The following REPS2 variants were observed in gnomAD, a reference collection of about 807,000 sequenced individuals.
The protein encoded by REPS2 is ralBP1-associated Eps domain-containing protein 2.
REPS2 carries 23 observed loss-of-function variants against 53.6 expected under a neutral mutation model. That is an observed-to-expected ratio of 0.43 (90% CI 0.31 to 0.61). REPS2 has a LOEUF of 0.61. Among genes scored for constraint, REPS2 ranks in the 20% least tolerant of loss-of-function variants. The probability of loss-of-function intolerance (pLI) is 0.11; values close to 1 mark genes in which losing one functional copy is unlikely to be tolerated. For missense variants in REPS2, 446 were observed against 534.9 expected (o/e 0.83, Z 1.64); for synonymous variants, 238 against 218.6 (o/e 1.09, Z -0.78).
At chrX:17,106,304 A>G (rs766054302) in intron 14 of REPS2, among the ~76,000 whole-genome samples, 1 of 111,834 alleles carries the variant, frequency 8.9e-6, no homozygotes, top group South Asian at 3.8e-4. Context: ...AGGGAGAACT[A>G]CAAACCACTG....
At chrX:17,032,035 G>A (rs2061715018) in intron 5 of REPS2, among the ~76,000 whole-genome samples, 1 of 111,804 alleles carries the variant, frequency 8.9e-6, no homozygotes, top group Admixed American at 9.5e-5. Context: ...CAGATAGATG[G>A]TGGTGTCACC....
At chrX:17,006,453 A>C in intron 2 of REPS2, 109 bp downstream of exon 2, 2 of 747,494 alleles carry the variant, frequency 2.7e-6, no homozygotes, top group Non-Finnish European at 1.9e-6. Flanking sequence ...GCTTCCTCCA[A>C]CTCTTCTGCA....
intron 4 of REPS2, among the ~76,000 whole-genome samples, chrX:17,025,624 G>A (rs988346258): frequency 3.6e-5 from 4 of 112,165 alleles, no homozygotes; most frequent in African/African-American, 1.3e-4. Flanking sequence ...GACTGAGCAC[G>A]TAAATGAAAA....
chrX:17,022,370 T>G (rs953859824), intron 3 of REPS2, 99 bp downstream of exon 3: 66 of 805,788 alleles, frequency 8.2e-5, no homozygotes, highest in Middle Eastern at 3.1e-4. Flanking sequence ...AATCTCACCA[T>G]CTGGAACCCA....
At chrX:17,154,059 G>A (rs1366949570), downstream of REPS2, among the ~76,000 whole-genome samples, 4 of 111,716 alleles carry the variant, frequency 3.6e-5, no homozygotes, top group Non-Finnish European at 7.5e-5. Context: ...AACTGAATCA[G>A]GAACCCTGGT....
At chrX:16,991,594 AAG>A (rs766544494) in intron 1 of REPS2, among the ~76,000 whole-genome samples, 68 of 111,550 alleles carry the variant, frequency 6.1e-4, no homozygotes, top group Non-Finnish European at 6.4e-4. Context: ...CTTATTTGGA[AAG>A]AGGGTCTTTG....
the REPS2 span, among the ~76,000 whole-genome samples, chrX:17,168,391 G>A: frequency 9.0e-6 from 1 of 111,548 alleles, no homozygotes; most frequent in African/African-American, 3.3e-5. Context: ...GTGCATGCCT[G>A]TAGTCCCAGC....
chrX:17,183,872 C>T, the REPS2 span, among the ~76,000 whole-genome samples: 2 of 111,834 alleles, frequency 1.8e-5, no homozygotes, highest in South Asian at 3.7e-4. Flanking sequence ...GAAAACACAC[C>T]TAACAGGGTT....
In REPS2 at chrX:17,150,370, A is replaced by G. The variant is rs911924583; in HGVS notation, c.*2889A>G. On this transcript the variant is annotated 3_prime_UTR_variant, in exon 18 of 18. Transcript: ENST00000357277. ...CCTTGCTGTTAAGTGGTCTTCCCCC[A>G]TTGGGATCCTACAGTCCCACAGATG... 6 of 112,420 alleles carry G rather than the reference A, an allele frequency of 5.3e-5. No individual in the cohort carries two copies. The highest frequency in any genetic ancestry group is 1.9e-4 in the African/African-American group (6 of 30,872). 9.3% of individuals were successfully genotyped at this position (112,420 alleles called of 1,213,427 possible). A position where few individuals can be genotyped will look rare whatever the true frequency, so the allele number is the denominator to read the frequency against.
chrX:16,961,095 A>C (rs1569089912), intron 1 of REPS2, among the ~76,000 whole-genome samples: 1 of 112,169 alleles, frequency 8.9e-6, no homozygotes, highest in East Asian at 2.8e-4. Context: ...AAATAGAAAA[A>C]ACAATTCTAA....
intron 13 of REPS2, among the ~76,000 whole-genome samples, chrX:17,096,613 T>C (rs1298204120): frequency 1.4e-5 from 1 of 72,642 alleles, no homozygotes; most frequent in African/African-American, 5.8e-5. Flanking sequence ...TGAGCCGAGA[T>C]CCCGCCACTG....
At chrX:17,132,439 G>C (rs770703011) in intron 14 of REPS2, among the ~76,000 whole-genome samples, 1 of 112,781 alleles carries the variant, frequency 8.9e-6, no homozygotes, top group African/African-American at 3.2e-5. Context: ...GTGTGTCAAC[G>C]TCAGACAGTC....
chrX:17,085,032 G>A (rs943449967), intron 13 of REPS2, among the ~76,000 whole-genome samples: 1 of 112,002 alleles, frequency 8.9e-6, no homozygotes, highest in African/African-American at 3.2e-5. Flanking sequence ...TCTTCGTTCT[G>A]TTTTGAGTTA....
intron 13 of REPS2, among the ~76,000 whole-genome samples, chrX:17,090,648 G>A (rs918811807): frequency 5.3e-5 from 6 of 112,172 alleles, no homozygotes; most frequent in Non-Finnish European, 7.5e-5. Flanking sequence ...ATCCTTTATC[G>A]GATAGATGAT....
the REPS2 span, among the ~76,000 whole-genome samples, chrX:17,196,212 A>T: frequency 8.9e-6 from 1 of 111,737 alleles, no homozygotes; most frequent in East Asian, 2.8e-4. Context: ...TTTCAACTAG[A>T]TTTTTTAAAA....
chrX:17,121,942 G>A (rs1183505367), intron 14 of REPS2, among the ~76,000 whole-genome samples: 1 of 111,679 alleles, frequency 9.0e-6, no homozygotes, highest in Non-Finnish European at 1.9e-5. Flanking sequence ...TAGAGATGGG[G>A]TTTTGCCATG....
At chrX:17,170,644 C>T in the REPS2 span, among the ~76,000 whole-genome samples, 1 of 112,303 alleles carries the variant, frequency 8.9e-6, no homozygotes, top group Non-Finnish European at 1.9e-5. Flanking sequence ...TGGATACCAC[C>T]ATTTGGTTGC....
chrX:17,196,631 A>C, the REPS2 span, among the ~76,000 whole-genome samples: 1 of 112,156 alleles, frequency 8.9e-6, no homozygotes, highest in Non-Finnish European at 1.9e-5. Flanking sequence ...AATGTGAGAA[A>C]TAAATGTTCA....
At chrX:17,196,186 A>C in the REPS2 span, among the ~76,000 whole-genome samples, 2 of 111,743 alleles carry the variant, frequency 1.8e-5, no homozygotes, top group African/African-American at 6.5e-5. Flanking sequence ...CAAAATAGTC[A>C]TTGCGCAGTT....
Sources: gnomAD v4.1 joint callset for allele counts (sites outside exome capture counted in the v4.1 genomes callset) on GRCh38, gnomAD v4.1.1 for gene constraint, MANE v1.5 for transcripts, NCBI Gene and HGNC (gene_info 2026-07-23, HGNC 2026-07-21) for gene names.